PTPRD: variants seen among roughly 807,000 people sequenced by gnomAD.
The protein encoded by PTPRD is receptor-type tyrosine-protein phosphatase delta.
In PTPRD, 34 loss-of-function variants were observed where a neutral mutation model predicts 214.5. The observed-to-expected ratio is 0.16, with a 90% confidence interval of 0.12 to 0.21. PTPRD has a LOEUF of 0.21. Among genes scored for constraint, PTPRD ranks in the 10% least tolerant of loss-of-function variants. The pLI is 1.00. For synonymous variants in PTPRD, 1,128 were observed against 845.7 expected (o/e 1.33, Z -5.79); for missense variants, 2,545 against 2,398.7 (o/e 1.06, Z -1.27).
chr9:9,358,451 C>T (rs1255061189), intron 9 of PTPRD, among the ~76,000 whole-genome samples: 2 of 151,160 alleles, frequency 1.3e-5, no homozygotes, highest in Non-Finnish European at 3.0e-5. Context: ...TTCCTGGAAA[C>T]ATTTTAGCCT....
chr9:9,914,942 G>C (rs1345611794), intron 5 of PTPRD, among the ~76,000 whole-genome samples: 1 of 152,180 alleles, frequency 6.6e-6, no homozygotes, highest in African/African-American at 2.4e-5. Context: ...CCTAGCCAGA[G>C]TAACATCCCT....
chr9:8,454,455 A>G (rs1423551534), intron 33 of PTPRD: 11 of 892,576 alleles, frequency 1.2e-5, no homozygotes, highest in Non-Finnish European at 1.8e-5. Context: ...GGCTTTGCCC[A>G]TCTTCCACGT....
In PTPRD at chr9:10,133,559, C is replaced by A. The variant is rs368060002; in HGVS notation, c.-544-99769G>T. ...ATAAATAACTTAAAAGGTCTGTCTACCAGAATGTAAACTAATATATAATGT... is the reference window on the plus strand; with the variant it reads ...ATAAATAACTTAAAAGGTCTGTCTAACAGAATGTAAACTAATATATAATGT... On this transcript the variant is annotated intron_variant, in intron 3 of 45. Coordinates refer to ENST00000381196, the MANE Select transcript of PTPRD (RefSeq NM_002839.4). Among the ~76,000 whole-genome samples the A allele has an allele frequency of 6.7e-5, 10 of 149,896 alleles. 1 individual carries two copies. The highest frequency in any genetic ancestry group is 2.2e-4 in the African/African-American group (9 of 40,986).
At chr9:9,808,007 G>A (rs967404709) in intron 5 of PTPRD, among the ~76,000 whole-genome samples, 1 of 152,118 alleles carries the variant, frequency 6.6e-6, no homozygotes, top group Non-Finnish European at 1.5e-5. Context: ...ATGGTGAGCT[G>A]TCCCCTTTTG....
At chr9:9,044,817 T>A (rs986651343) in intron 10 of PTPRD, among the ~76,000 whole-genome samples, 1 of 152,204 alleles carries the variant, frequency 6.6e-6, no homozygotes, top group African/African-American at 2.4e-5. Flanking sequence ...TTAGAAGGAA[T>A]GACAGGTATT....
chr9:9,874,559 T>C lies in PTPRD; in HGVS notation c.-368+63948A>G, dbSNP rs187019706. Reference sequence around the variant, plus strand: ...AGGTGCTAGATTTAGCAAAATGTATTTGAATTAGAAAGGAAAGAAAATGAA... The same window carrying C: ...AGGTGCTAGATTTAGCAAAATGTATCTGAATTAGAAAGGAAAGAAAATGAA... On this transcript the variant is annotated intron_variant, in intron 5 of 45. Coordinates refer to ENST00000381196, the MANE Select transcript of PTPRD (RefSeq NM_002839.4). Among the ~76,000 whole-genome samples, 55 of 152,314 alleles carry C rather than the reference T, an allele frequency of 3.6e-4. 1 individual carries two copies. The East Asian group carries it at 9.3e-3, about 26-fold the overall frequency.
At chr9:9,474,961 G>A (rs1268449642) in intron 8 of PTPRD, among the ~76,000 whole-genome samples, 1 of 151,920 alleles carries the variant, frequency 6.6e-6, no homozygotes, top group Non-Finnish European at 1.5e-5. Context: ...TGGAACCTCT[G>A]TTTTCTCAAG....
At chr9:9,495,203 C>CTT (rs1426226399) in intron 8 of PTPRD, among the ~76,000 whole-genome samples, 1 of 151,514 alleles carries the variant, frequency 6.6e-6, no homozygotes, top group African/African-American at 2.4e-5. Flanking sequence ...ATCTATACAA[C>CTT]TCAGAGAAGA....
At chr9:10,177,106 A>G (rs2154302681) in intron 3 of PTPRD, among the ~76,000 whole-genome samples, 1 of 152,092 alleles carries the variant, frequency 6.6e-6, no homozygotes, top group Non-Finnish European at 1.5e-5. Context: ...TGAGAAAAAT[A>G]AATGGAAATG....
chr9:9,898,166 T>C (rs570855840), intron 5 of PTPRD, among the ~76,000 whole-genome samples: 2 of 152,252 alleles, frequency 1.3e-5, no homozygotes, highest in Non-Finnish European at 2.9e-5. Flanking sequence ...AAATATGTTT[T>C]AGGGATAAAC....
At chr9:9,741,274 T>C (rs564858472) in intron 6 of PTPRD, among the ~76,000 whole-genome samples, 15 of 152,286 alleles carry the variant, frequency 9.8e-5, no homozygotes, top group African/African-American at 3.6e-4. Context: ...ACTTTAGTGA[T>C]AGAAGAAACA....
intron 3 of PTPRD, among the ~76,000 whole-genome samples, chr9:10,172,933 C>T (rs1180876228): frequency 2.7e-5 from 4 of 147,376 alleles, no homozygotes; most frequent in Non-Finnish European, 4.6e-5. Flanking sequence ...AAAATGTTAA[C>T]TTAAATAAAA....
chr9:8,524,858 C>T, intron 18 of PTPRD, 67 bp downstream of exon 18: 1 of 1,284,026 alleles, frequency 7.8e-7, no homozygotes, highest in Non-Finnish European at 1.1e-6. Context: ...ACAACACGGA[C>T]CCTGCGGCGT....
At chr9:10,256,216 A>G (rs2093261622) in intron 3 of PTPRD, among the ~76,000 whole-genome samples, 1 of 152,066 alleles carries the variant, frequency 6.6e-6, no homozygotes, top group African/African-American at 2.4e-5. Context: ...TGGTGCCAAA[A>G]AGGTTGGGGG....
chr9:9,074,797 T>C (rs2099748665), intron 10 of PTPRD, among the ~76,000 whole-genome samples: 1 of 151,894 alleles, frequency 6.6e-6, no homozygotes. Flanking sequence ...GCAAATATTT[T>C]CTACCATATA....
At chr9:9,724,881 G>A (rs1428693758) in intron 7 of PTPRD, among the ~76,000 whole-genome samples, 1 of 152,074 alleles carries the variant, frequency 6.6e-6, no homozygotes, top group Non-Finnish European at 1.5e-5. Flanking sequence ...CTTCCAAACT[G>A]TCCTCTGATT....
At chr9:9,319,596 T>C (rs1435992874) in intron 9 of PTPRD, among the ~76,000 whole-genome samples, 2 of 152,318 alleles carry the variant, frequency 1.3e-5, no homozygotes, top group South Asian at 2.1e-4. Flanking sequence ...TTTCCCCATA[T>C]GTCTTCTACT....
At chr9:8,797,229 G>A (rs1157475896) in intron 11 of PTPRD, 1 of 152,082 alleles carries the variant, frequency 6.6e-6, no homozygotes, top group African/African-American at 2.4e-5. Context: ...ATAAATTCAA[G>A]CTACAAATGA....
chr9:8,742,580 T>A (rs1441671710), intron 11 of PTPRD, among the ~76,000 whole-genome samples: 2 of 152,202 alleles, frequency 1.3e-5, no homozygotes, highest in Non-Finnish European at 2.9e-5. Context: ...TTTAGCCCTA[T>A]CAATACATAG....
Sources: allele counts gnomAD v4.1 joint callset (sites outside exome capture counted in the v4.1 genomes callset), GRCh38; gene constraint gnomAD v4.1.1; transcripts MANE v1.5; gene names NCBI Gene and HGNC (gene_info 2026-07-23, HGNC 2026-07-21).